Variants in CCDC33 observed in about 807,000 individuals in gnomAD.
The protein encoded by CCDC33 is coiled-coil domain-containing protein 33.
Under a neutral mutation model 91.9 loss-of-function variants are expected in CCDC33, and 94 were observed. The ratio of observed to expected loss-of-function variants is 1.02; its 90% CI spans 0.87 to 1.21. The LOEUF is 1.21. Among genes scored for constraint, CCDC33 ranks in the 50% most tolerant of loss-of-function variants. CCDC33 has a pLI of 0.00. For synonymous variants in CCDC33, 396 were observed against 374.5 expected (o/e 1.06, Z -0.66); for missense variants, 940 against 935.5 (o/e 1.00, Z -0.06).
intron 4 of CCDC33, among the ~76,000 whole-genome samples, chr15:74,267,083 A>G (rs557715690): frequency 6.6e-6 from 1 of 152,364 alleles, no homozygotes; most frequent in African/African-American, 2.4e-5. Flanking sequence ...ATGTTAAAAG[A>G]GCGGATCTAA....
chr15:74,207,913 G>C (rs1057204051), intron 1 of CCDC33: 20 of 1,480,014 alleles, frequency 1.4e-5, no homozygotes, highest in Admixed American at 2.1e-5. Flanking sequence ...CCGTGCTCAC[G>C]GCAGGAAGAG....
At chr15:74,261,638 G>A (rs2076026562) in intron 2 of CCDC33, among the ~76,000 whole-genome samples, 1 of 152,214 alleles carries the variant, frequency 6.6e-6, no homozygotes, top group Non-Finnish European at 1.5e-5. Flanking sequence ...GGATGGCCCT[G>A]GCCTAGTAAC....
At chr15:74,326,061 A>G (rs1325614534) in intron 11 of CCDC33, among the ~76,000 whole-genome samples, 1 of 152,250 alleles carries the variant, frequency 6.6e-6, no homozygotes, top group Non-Finnish European at 1.5e-5. Context: ...AGAATGGCTC[A>G]TGCCTATAAT....
At chr15:74,268,036 G>T (rs1374785774) in intron 4 of CCDC33, among the ~76,000 whole-genome samples, 1 of 152,148 alleles carries the variant, frequency 6.6e-6, no homozygotes, top group Non-Finnish European at 1.5e-5. Context: ...TGTAATTCTG[G>T]GGGCATCACC....
intron 11 of CCDC33, chr15:74,303,366 G>A (rs768766268): frequency 1.0e-4 from 16 of 152,388 alleles, no homozygotes; most frequent in Admixed American, 2.6e-4. Flanking sequence ...CAGGCCCCAG[G>A]TCCTTTGGAA....
chr15:74,247,745 C>T (rs142623247), intron 2 of CCDC33, among the ~76,000 whole-genome samples: 1 of 152,060 alleles, frequency 6.6e-6, no homozygotes, highest in Non-Finnish European at 1.5e-5. Flanking sequence ...ATGAGTAATT[C>T]TGGGGATTTA....
intron 18 of CCDC33, chr15:74,335,517 A>G (rs1303521104): frequency 7.9e-6 from 3 of 377,368 alleles, no homozygotes; most frequent in Non-Finnish European, 1.5e-5. Context: ...TGTAGGCTCC[A>G]CTTTGCCAAC....
intron 12 of CCDC33, 97 bp downstream of exon 12, chr15:74,330,451 C>A: frequency 7.3e-7 from 1 of 1,360,826 alleles, no homozygotes; most frequent in Non-Finnish European, 9.9e-7. Context: ...CCCAGATGTG[C>A]ATGCTGCTGG....
intron 11 of CCDC33, 59 bp from the exon 12 acceptor site, chr15:74,330,118 GTGTAGATGTGGA>G: frequency 6.6e-7 from 1 of 1,503,818 alleles, no homozygotes; most frequent in Non-Finnish European, 8.9e-7. Context: ...TGACTTTCAA[GTGTAGATGTGGA>G]TGTGGGACCA....
At chr15:74,282,853 C>T (rs1267444018) in intron 10 of CCDC33, among the ~76,000 whole-genome samples, 1 of 152,180 alleles carries the variant, frequency 6.6e-6, no homozygotes, top group African/African-American at 2.4e-5. Flanking sequence ...TGCCAGGCAC[C>T]CGCTGGACTT....
chr15:74,241,200 G>T (rs2075336655), intron 1 of CCDC33, among the ~76,000 whole-genome samples: 1 of 152,146 alleles, frequency 6.6e-6, no homozygotes, highest in South Asian at 2.1e-4. Flanking sequence ...CCTGGAAGAG[G>T]GTGGGGGTGG....
At chr15:74,229,231 G>A (rs539027788) in intron 2 of CCDC33, among the ~76,000 whole-genome samples, 29 of 152,288 alleles carry the variant, frequency 1.9e-4, no homozygotes, top group Admixed American at 1.6e-3. Flanking sequence ...GGTGGCTCAC[G>A]TCTGTAATCC....
chr15:74,270,001 C>A (rs1566985517), intron 5 of CCDC33, among the ~76,000 whole-genome samples: 1 of 152,216 alleles, frequency 6.6e-6, no homozygotes, highest in Non-Finnish European at 1.5e-5. Context: ...ATAGGGCCTG[C>A]CAGCCTCCAG....
chr15:74,333,112 T>C (rs2060475639), intron 16 of CCDC33: 18 of 923,016 alleles, frequency 2.0e-5, no homozygotes, highest in South Asian at 2.9e-5. Context: ...CCCTGACCCC[T>C]TTTTCACCTG....
At chr15:74,307,254 C>T (rs570427033) in intron 11 of CCDC33, among the ~76,000 whole-genome samples, 17 of 152,136 alleles carry the variant, frequency 1.1e-4, no homozygotes, top group Non-Finnish European at 2.2e-4. Context: ...TGGGGCTTGT[C>T]CCTTCTGTGC....
chr15:74,236,824 A>G (rs2075175145), intron 1 of CCDC33, 84 bp downstream of exon 1: 1 of 1,366,406 alleles, frequency 7.3e-7, no homozygotes. Context: ...TTTGCTCCTT[A>G]ATCATGACAA....
chr15:74,315,237 AGCATGG>A (rs1341727261), intron 11 of CCDC33, among the ~76,000 whole-genome samples: 1 of 152,224 alleles, frequency 6.6e-6, no homozygotes, highest in African/African-American at 2.4e-5. Context: ...CCAGCAGCTA[AGCATGG>A]CTATCAACAT....
intron 3 of CCDC33, among the ~76,000 whole-genome samples, chr15:74,266,444 T>C (rs2076167762): frequency 6.6e-6 from 1 of 152,296 alleles, no homozygotes; most frequent in African/African-American, 2.4e-5. Context: ...GAAAATTGCA[T>C]GTTGGGGTCC....
intron 2 of CCDC33, among the ~76,000 whole-genome samples, chr15:74,246,804 G>A (rs746450926): frequency 2.6e-5 from 4 of 152,178 alleles, no homozygotes; most frequent in Non-Finnish European, 4.4e-5. Context: ...ATATGATCCC[G>A]CAATCTCACT....
Sources: gnomAD v4.1 joint callset for allele counts (sites outside exome capture counted in the v4.1 genomes callset) on GRCh38, gnomAD v4.1.1 for gene constraint, MANE v1.5 for transcripts, NCBI Gene and HGNC (gene_info 2026-07-23, HGNC 2026-07-21) for gene names.